TENM2: variants seen among roughly 807,000 people sequenced by gnomAD.
TENM2 encodes the protein teneurin transmembrane protein 2, also known as teneurin-2.
TENM2 carries 52 observed loss-of-function variants against 245.2 expected under a neutral mutation model. That is an observed-to-expected ratio of 0.21 (90% CI 0.17 to 0.27). TENM2 has a LOEUF of 0.27. Ranked by LOEUF, TENM2 falls within the 10% of genes least tolerant of loss-of-function variation. The probability of loss-of-function intolerance (pLI) is 1.00; values close to 1 mark genes in which losing one functional copy is unlikely to be tolerated. For synonymous variants in TENM2, 1,363 were observed against 1,438.9 expected (o/e 0.95, Z 1.19); for missense variants, 3,046 against 3,666.8 (o/e 0.83, Z 4.37).
At chr5:168,254,087 C>T (rs2152706531) in intron 27 of TENM2, among the ~76,000 whole-genome samples, 1 of 152,366 alleles carries the variant, frequency 6.6e-6, no homozygotes, top group South Asian at 2.1e-4. Flanking sequence ...ATCCTCTTCT[C>T]ATATTTACAC....
intron 2 of TENM2, among the ~76,000 whole-genome samples, chr5:167,708,021 C>G (rs906025648): frequency 6.6e-6 from 1 of 152,136 alleles, no homozygotes; most frequent in Non-Finnish European, 1.5e-5. Flanking sequence ...CAGGGCTTAC[C>G]TCTTGCCTTG....
intron 3 of TENM2, among the ~76,000 whole-genome samples, chr5:167,935,191 A>T (rs1046509197): frequency 5.3e-5 from 8 of 152,292 alleles, no homozygotes; most frequent in African/African-American, 1.7e-4. Flanking sequence ...ATTATCTGTC[A>T]GTGCCGATGG....
chr5:167,390,757 A>G (rs1245056478), intron 2 of TENM2, among the ~76,000 whole-genome samples: 2 of 152,204 alleles, frequency 1.3e-5, no homozygotes, highest in African/African-American at 4.8e-5. Flanking sequence ...ACCCCAGTGA[A>G]ATGCAGAACA....
chr5:167,700,949 T>TAAA (rs781480259), intron 2 of TENM2, among the ~76,000 whole-genome samples: 6,781 of 79,678 alleles, frequency 0.085, 445 homozygotes, highest in East Asian at 0.23. Flanking sequence ...TTATATTTCT[T>TAAA]AAAAAAAAAA....
At chr5:168,224,360 A>G (rs997161227) in intron 23 of TENM2, among the ~76,000 whole-genome samples, 1 of 152,024 alleles carries the variant, frequency 6.6e-6, no homozygotes. Context: ...CTCTCCCCCA[A>G]CACCTTTAGG....
chr5:168,055,679 C>A lies in TENM2; in HGVS notation c.1310-6381C>A, dbSNP rs955936000. Among the ~76,000 whole-genome samples the A allele has an allele frequency of 7.2e-5, 11 of 152,158 alleles. 1 individual carries two copies. The highest frequency in any genetic ancestry group is 6.5e-4 in the Admixed American group (10 of 15,278). On this transcript the variant is annotated intron_variant, in intron 6 of 28. Transcript: ENST00000518659. ...TTTTTATTAGGCCATCACAAATTCA[C>A]CCCCCGCAACTGAAAAAAAGTACTT...
chr5:168,247,088 AG>A lies in TENM2; in HGVS notation c.6150del (p.Met2051TrpfsTer57). On this transcript the variant is annotated frameshift_variant, in exon 27 of 29. Coordinates refer to ENST00000518659, the Ensembl canonical transcript of TENM2. LOFTEE classifies it high-confidence loss of function. The surrounding 1 kb of genome is among the most constrained non-coding windows in gnomAD (Gnocchi z 7.8). Reference sequence around the variant, plus strand: ...TATGACGAGACCACTGGTGTCTTGAAGATGGTCAACCTCCAAAGTGGGGGCT... The same window carrying A: ...TATGACGAGACCACTGGTGTCTTGAAATGGTCAACCTCCAAAGTGGGGGCT... 1.2e-6 allele frequency: 2 copies of A among 1,613,950 alleles called. No individual in the cohort carries two copies. Among genetic ancestry groups the A allele is most frequent in the Non-Finnish European group, 1.7e-6 (2 of 1,179,874 alleles).
intron 2 of TENM2, among the ~76,000 whole-genome samples, chr5:167,493,332 C>T (rs900208380): frequency 2.0e-5 from 3 of 151,942 alleles, no homozygotes; most frequent in Non-Finnish European, 4.4e-5. Flanking sequence ...TGAGAAACAC[C>T]ATCAGGCCAT....
At chr5:167,005,655 GTTTTTTTTT>G in the TENM2 span, among the ~76,000 whole-genome samples, 1 of 52,976 alleles carries the variant, frequency 1.9e-5, no homozygotes, top group Non-Finnish European at 3.2e-5. Flanking sequence ...CTGTGTGTGG[GTTTTTTTTT>G]TTTTTTTTTT....
intron 12 of TENM2, among the ~76,000 whole-genome samples, chr5:168,151,114 A>G (rs1460259549): frequency 1.3e-5 from 2 of 152,132 alleles, no homozygotes; most frequent in East Asian, 3.8e-4. Context: ...TTCTGTGGGC[A>G]TGCTTTTCTG....
intron 2 of TENM2, among the ~76,000 whole-genome samples, chr5:167,451,070 T>C (rs1358199261): frequency 6.6e-6 from 1 of 152,242 alleles, no homozygotes; most frequent in Non-Finnish European, 1.5e-5. Context: ...AAAATGTATT[T>C]CCACTTCTGT....
chr5:167,465,041 T>G (rs1157639588), intron 2 of TENM2, among the ~76,000 whole-genome samples: 2 of 152,236 alleles, frequency 1.3e-5, no homozygotes, highest in East Asian at 3.8e-4. Flanking sequence ...AGCACCGTTC[T>G]CAAAAAATAT....
the TENM2 span, among the ~76,000 whole-genome samples, chr5:167,191,165 C>A: frequency 6.6e-6 from 1 of 151,764 alleles, no homozygotes; most frequent in Non-Finnish European, 1.5e-5. Flanking sequence ...TAATATTATA[C>A]CTAGGAATAT....
At chr5:167,077,813 T>C in the TENM2 span, among the ~76,000 whole-genome samples, 89,753 of 151,860 alleles carry the variant, frequency 0.59, 28,354 homozygotes, top group African/African-American at 0.83. Context: ...AGGTAGCTCA[T>C]TTGGAAAACT....
chr5:167,351,505 C>T (rs1408877748), intron 1 of TENM2, among the ~76,000 whole-genome samples: 1 of 152,178 alleles, frequency 6.6e-6, no homozygotes, highest in Non-Finnish European at 1.5e-5. Context: ...TAGCTCCTGA[C>T]AGGGCATAGC....
intron 12 of TENM2, among the ~76,000 whole-genome samples, chr5:168,159,200 A>G (rs1269824010): frequency 6.6e-6 from 1 of 152,086 alleles, no homozygotes; most frequent in Non-Finnish European, 1.5e-5. Context: ...TGTTTTCTGG[A>G]GAGAAATAGG....
intron 2 of TENM2, among the ~76,000 whole-genome samples, chr5:167,478,045 G>A (rs915395457): frequency 6.6e-6 from 1 of 152,206 alleles, no homozygotes; most frequent in Non-Finnish European, 1.5e-5. Context: ...TGTAGTGAAT[G>A]CTGTTGCATT....
chr5:167,029,592 G>A, the TENM2 span, among the ~76,000 whole-genome samples: 47 of 152,248 alleles, frequency 3.1e-4, no homozygotes, highest in Non-Finnish European at 3.2e-4. Flanking sequence ...ATATTGGCAA[G>A]TGACTTATCA....
chr5:168,034,043 G>A (rs4554250), intron 5 of TENM2, among the ~76,000 whole-genome samples: 64 of 80,924 alleles, frequency 7.9e-4, no homozygotes, highest in South Asian at 3.1e-3. Context: ...ATATATATAT[G>A]TGTGTGTATA....
Sources: gnomAD v4.1 joint callset for allele counts (sites outside exome capture counted in the v4.1 genomes callset) on GRCh38, gnomAD v4.1.1 for gene constraint, Gnocchi (gnomAD v3.1) non-coding constraint, MANE v1.5 for transcripts, NCBI Gene and HGNC (gene_info 2026-07-23, HGNC 2026-07-21) for gene names.